ERICH6B: variants seen among roughly 807,000 people sequenced by gnomAD.
ERICH6B encodes the protein glutamate-rich protein 6B.
A neutral mutation model predicts 80.0 loss-of-function variants in ERICH6B; 69 were observed. The ratio of observed to expected loss-of-function variants is 0.86; its 90% CI spans 0.71 to 1.05. ERICH6B has a LOEUF of 1.05. Among genes scored for constraint, ERICH6B ranks in the 50% least tolerant of loss-of-function variants. ERICH6B has a pLI of 0.00. For synonymous variants in ERICH6B, 283 were observed against 291.9 expected, an observed-to-expected ratio of 0.97 and a Z score of 0.31; for missense variants, 754 against 796.1, an observed-to-expected ratio of 0.95 and a Z score of 0.64.
chr13:45,586,315 G>T (rs1329483653), intron 5 of ERICH6B, among the ~76,000 whole-genome samples: 1 of 152,108 alleles, frequency 6.6e-6, no homozygotes, highest in Non-Finnish European at 1.5e-5. Flanking sequence ...GGGAGGTGAC[G>T]GGGGAATCTA....
chr13:45,580,149 C>T (rs1324844229), intron 6 of ERICH6B, among the ~76,000 whole-genome samples, 175 bp from the exon 7 acceptor site: 1 of 152,062 alleles, frequency 6.6e-6, no homozygotes, highest in Non-Finnish European at 1.5e-5. Flanking sequence ...AGTTGGAGGC[C>T]CGCAGAACAT....
intron 5 of ERICH6B, among the ~76,000 whole-genome samples, chr13:45,585,196 G>A (rs2138007334): frequency 6.6e-6 from 1 of 152,292 alleles, no homozygotes; most frequent in East Asian, 1.9e-4. Flanking sequence ...GTAGCTGGTT[G>A]CCTTTTCCCT....
At position 45,550,314 on chromosome 13, in the gene ERICH6B, C is replaced by T. The variant is rs1373090454; in HGVS notation, c.1410G>A (p.Val470=). The stretch of plus-strand genomic sequence containing the variant: ...GAATTAATTTTCCATCACCTTGATG[C>T]ACCTGGGAAGAAAAGACAAGCCTAT... ...DKEWIQKKTV[V]HQGDGKLILY... The change falls in exon 12 of 15, where the codon GTG becomes GTA. Residue 470 remains valine, a splice_region_variant and synonymous_variant. Transcript: ENST00000298738. 1.3e-6 allele frequency: 2 copies of T among 1,550,730 alleles called. No individual in the cohort carries two copies. Among genetic ancestry groups the T allele is most frequent in the African/African-American group, 2.7e-5 (2 of 73,008 alleles).
chr13:45,604,933 C>A lies in ERICH6B; in HGVS notation c.-59+2631G>T, dbSNP rs1042905157. ...TCTCAAAAGAACAAAACAAAACAAA[C>A]CAAATCCAAGAAGGTTTGGATGAAA... On this transcript the variant is annotated intron_variant, in intron 2 of 14. Coordinates refer to ENST00000298738, the MANE Select transcript of ERICH6B (RefSeq NM_182542.3). 5.3e-5 allele frequency among the ~76,000 whole-genome samples: 8 copies of A among 152,124 alleles called. No individual in the cohort carries two copies. In the East Asian group the frequency reaches 9.6e-4, roughly 18 times the overall value.
At chr13:45,583,657 C>T (rs1056947065) in intron 5 of ERICH6B, among the ~76,000 whole-genome samples, 10 of 152,130 alleles carry the variant, frequency 6.6e-5, no homozygotes, top group African/African-American at 1.7e-4. Context: ...ATCATGGGGG[C>T]GGTTTCCCCC....
chr13:45,541,969 C>T (rs1566281739), intron 14 of ERICH6B, among the ~76,000 whole-genome samples: 1 of 152,226 alleles, frequency 6.6e-6, no homozygotes, highest in Non-Finnish European at 1.5e-5. Flanking sequence ...GCGGCCTGCC[C>T]TCCAAAGGCG....
chr13:45,596,258 A>G, intron 3 of ERICH6B, 111 bp downstream of exon 3: 1 of 1,317,964 alleles, frequency 7.6e-7, no homozygotes. Context: ...ATCCTTTGGG[A>G]TGCCCTCCTC....
At position 45,570,958 on chromosome 13, in the gene ERICH6B, G is replaced by T. The variant is rs373236643; in HGVS notation, c.1051-2507C>A. On this transcript the variant is annotated intron_variant, in intron 8 of 14. Transcript: ENST00000298738. Reference sequence around the variant, plus strand: ...CAGCTGCAGGTTCCATGTGGCATTCGCTCCACTGCAGCTGCAGGTTCCGTG... The same window carrying T: ...CAGCTGCAGGTTCCATGTGGCATTCTCTCCACTGCAGCTGCAGGTTCCGTG... 2.0e-5 allele frequency among the ~76,000 whole-genome samples: 3 copies of T among 151,688 alleles called. No homozygotes were observed. The South Asian group carries it at 6.2e-4, about 32-fold the overall frequency.
chr13:45,608,653 A>G (rs1404618274), intron 1 of ERICH6B, among the ~76,000 whole-genome samples: 1 of 152,204 alleles, frequency 6.6e-6, no homozygotes, highest in Non-Finnish European at 1.5e-5. Flanking sequence ...AAGAAAATAA[A>G]TTACGCTTTC....
rs1875010989 is a variant in ERICH6B at position 45,568,379 on chromosome 13, C to T, written c.1123G>A (p.Glu375Lys). ...KEMAAHNELE[E>K]DFDIPLTKLL... ...TTAGTTAGGGGAATGTCAAAATCCTCTTCCAGTTCATTGTGAGCAGCCATT... is the reference window on the plus strand; with the variant it reads ...TTAGTTAGGGGAATGTCAAAATCCTTTTCCAGTTCATTGTGAGCAGCCATT... Residue 375 changes from glutamate (E) to lysine (K), a missense_variant, in exon 9 of 15, where the codon GAG becomes AAG. Coordinates refer to ENST00000298738, the MANE Select transcript of ERICH6B (RefSeq NM_182542.3). The T allele has an allele frequency of 1.3e-6, 2 of 1,549,398 alleles. No homozygotes were observed. Among genetic ancestry groups the T allele is most frequent in the Non-Finnish European group, 1.7e-6 (2 of 1,146,244 alleles).
At chr13:45,584,882 C>G (rs1260047747) in intron 5 of ERICH6B, among the ~76,000 whole-genome samples, 3 of 152,296 alleles carry the variant, frequency 2.0e-5, no homozygotes, top group Admixed American at 1.3e-4. Context: ...AATGTGTACC[C>G]CACCTGCAGG....
chr13:45,578,299 C>G (rs1183226354), intron 7 of ERICH6B, among the ~76,000 whole-genome samples: 1 of 152,184 alleles, frequency 6.6e-6, no homozygotes, highest in East Asian at 1.9e-4. Flanking sequence ...TGACCTCTAC[C>G]CTGCTCCTTG....
chr13:45,594,197 A>C (rs898299803), intron 3 of ERICH6B, among the ~76,000 whole-genome samples: 5 of 152,216 alleles, frequency 3.3e-5, no homozygotes, highest in African/African-American at 1.2e-4. Flanking sequence ...TGTTTTGTAC[A>C]ATCTATCTTG....
In ERICH6B at chr13:45,544,986, C is replaced by T. The variant is rs537055544; in HGVS notation, c.1647-1G>A. 1 of 1,550,180 alleles carries T rather than the reference C, an allele frequency of 6.5e-7. No homozygotes were observed. The highest frequency in any genetic ancestry group is 2.4e-5 in the East Asian group (1 of 40,914). ...GCCCAGGTTGGAGCTCAGGTTCAAC[C>T]TGGACCAGGAGAAAGCATGTCAGGC... On this transcript the variant is annotated splice_acceptor_variant, in intron 13 of 14. Transcript: ENST00000298738. LOFTEE classifies it high-confidence loss of function.
At chr13:45,543,868 C>T (rs750143182) in intron 14 of ERICH6B, among the ~76,000 whole-genome samples, 5 of 152,084 alleles carry the variant, frequency 3.3e-5, no homozygotes, top group Non-Finnish European at 7.3e-5. Flanking sequence ...CAACAGCAGG[C>T]CTGGGGACAC....
chr13:45,596,186 C>T (rs912171206), intron 3 of ERICH6B, among the ~76,000 whole-genome samples, 183 bp downstream of exon 3: 1 of 152,104 alleles, frequency 6.6e-6, no homozygotes, highest in Non-Finnish European at 1.5e-5. Flanking sequence ...TGACAATTTG[C>T]GCTCTGGCTC....
At chr13:45,555,988 A>G (rs1253843077) in intron 11 of ERICH6B, among the ~76,000 whole-genome samples, 1 of 147,276 alleles carries the variant, frequency 6.8e-6, no homozygotes, top group Non-Finnish European at 1.5e-5. Flanking sequence ...CCCTTTCCCC[A>G]GGAGTCTCCA....
At chr13:45,604,262 C>T (rs1016070674) in intron 2 of ERICH6B, among the ~76,000 whole-genome samples, 3 of 152,262 alleles carry the variant, frequency 2.0e-5, no homozygotes, top group Non-Finnish European at 4.4e-5. Context: ...TTTTCTTTGG[C>T]TCATCCAAAT....
chr13:45,595,416 A>C (rs1876321137), intron 3 of ERICH6B, among the ~76,000 whole-genome samples: 1 of 152,088 alleles, frequency 6.6e-6, no homozygotes, highest in Non-Finnish European at 1.5e-5. Context: ...GTGTTTATAT[A>C]AATATATAAA....
Sources: gnomAD v4.1 joint callset for allele counts (sites outside exome capture counted in the v4.1 genomes callset) on GRCh38, gnomAD v4.1.1 for gene constraint, MANE v1.5 for transcripts, NCBI Gene and HGNC (gene_info 2026-07-23, HGNC 2026-07-21) for gene names.